Variants in RAP1B observed in about 807,000 individuals in gnomAD.
RAP1B encodes RAP1B, member of RAS oncogene family.
In RAP1B, 1 loss-of-function variant was observed where a neutral mutation model predicts 27.5. The observed-to-expected ratio is 0.04, with a 90% CI of 0.01 to 0.17. The LOEUF is 0.17. RAP1B is among the 10% of genes least tolerant of loss of function. The probability of loss-of-function intolerance (pLI) is 1.00; values close to 1 mark genes in which losing one functional copy is unlikely to be tolerated. For missense variants in RAP1B, 84 were observed against 214.8 expected (o/e 0.39, Z 3.81); for synonymous variants, 75 against 73.1 (o/e 1.03, Z -0.13).
chr12:68,671,678 A>T lies in RAP1B; in HGVS notation c.*12429A>T, dbSNP rs1487208800. 1 of 152,218 alleles carries T rather than the reference A, an allele frequency of 6.6e-6. No homozygotes were observed. Among genetic ancestry groups the T allele is most frequent in the Non-Finnish European group, 1.5e-5 (1 of 68,046 alleles). The allele number at this position is 152,218 out of a possible 1,614,324, so 9.4% of individuals were successfully genotyped here. A position where few individuals can be genotyped will look rare whatever the true frequency, so the allele number is the denominator to read the frequency against. On this transcript the variant is annotated 3_prime_UTR_variant, in exon 8 of 8. Coordinates refer to ENST00000250559, the MANE Select transcript of RAP1B (RefSeq NM_001010942.3). ...GGTGATATAGGAGTAGGGGTGAGGA[A>T]GTGAAGGATCTGAGTAGGTGGAAAA... is the stretch of plus-strand genomic sequence containing the variant.
intron 1 of RAP1B, among the ~76,000 whole-genome samples, chr12:68,615,215 A>AT (rs1008946410): frequency 3.9e-5 from 6 of 152,200 alleles, no homozygotes; most frequent in Admixed American, 6.5e-5. Flanking sequence ...ATTTAGAAAG[A>AT]TTTTTTTTCC....
Position 68,645,733 on chromosome 12 carries a change from G to A in RAP1B, c.-26-2966G>A, listed in dbSNP as rs893764910. Reference sequence around the variant, plus strand: ...TGCCAGTCAGTCAGAGTTGGCATTCGCAATAAAAATCTGTTTTTCAGTCTT... The same window carrying A: ...TGCCAGTCAGTCAGAGTTGGCATTCACAATAAAAATCTGTTTTTCAGTCTT... On this transcript the variant is annotated intron_variant, in intron 1 of 7. Transcript: ENST00000250559. 2.6e-5 allele frequency among the ~76,000 whole-genome samples: 4 copies of A among 152,202 alleles called. No individual in the cohort carries two copies. In the East Asian group the frequency reaches 5.8e-4, roughly 22 times the overall value.
At chr12:68,620,032 T>C (rs7304304) in intron 1 of RAP1B, among the ~76,000 whole-genome samples, 9,410 of 152,100 alleles carry the variant, frequency 0.062, 726 homozygotes, top group African/African-American at 0.19. Context: ...TGATAACTTT[T>C]CCATAGTAAA....
At chr12:68,632,160 T>C (rs79610194) in intron 1 of RAP1B, among the ~76,000 whole-genome samples, 15,834 of 143,868 alleles carry the variant, frequency 0.11, 1,248 homozygotes, top group East Asian at 0.2. Context: ...GTTTTTTTTT[T>C]CCAGACTGTT....
chr12:68,637,426 C>T (rs747073420), intron 1 of RAP1B, among the ~76,000 whole-genome samples: 2 of 151,708 alleles, frequency 1.3e-5, no homozygotes, highest in Non-Finnish European at 2.9e-5. Flanking sequence ...GGTGAAACCC[C>T]ACCTCTACTA....
intron 1 of RAP1B, among the ~76,000 whole-genome samples, chr12:68,620,513 T>C (rs996430620): frequency 2.0e-5 from 3 of 152,128 alleles, no homozygotes; most frequent in South Asian, 2.1e-4. Flanking sequence ...TCTGTGGCCT[T>C]CTTTTTTATG....
intron 1 of RAP1B, among the ~76,000 whole-genome samples, chr12:68,636,961 ACTT>A (rs1872671304): frequency 6.6e-6 from 1 of 151,284 alleles, no homozygotes; most frequent in Admixed American, 6.6e-5. Context: ...GCCTGTCCCT[ACTT>A]TTTTTAATGC....
chr12:68,629,943 T>C (rs1872113779), intron 1 of RAP1B, among the ~76,000 whole-genome samples: 2 of 152,240 alleles, frequency 1.3e-5, no homozygotes. Context: ...CAGTGCTAGA[T>C]GTTTAAAATA....
At position 68,657,165 on chromosome 12, in the gene RAP1B, A is replaced by G. The variant is rs1014128597; in HGVS notation, c.533A>G (p.Lys178Arg). ...KTPVPGKARK[K>R]SSCQLL The stretch of plus-strand genomic sequence containing the variant: ...CCAGTGCCTGGGAAGGCTCGCAAAA[A>G]GTCATCATGTCAGCTGCTTTAATAT... Residue 178 changes from lysine to arginine, a missense_variant, in exon 7 of 8, where the codon AAG becomes AGG. Coordinates refer to ENST00000250559, the MANE Select transcript of RAP1B (RefSeq NM_001010942.3). 9 of 1,612,344 alleles carry G rather than the reference A, an allele frequency of 5.6e-6. No individual in the cohort carries two copies. The African/African-American group carries it at 9.3e-5, about 17-fold the overall frequency.
At chr12:68,652,858 A>G (rs80010939) in intron 4 of RAP1B, among the ~76,000 whole-genome samples, 1,799 of 152,342 alleles carry the variant, frequency 0.012, 33 homozygotes, top group African/African-American at 0.041. Flanking sequence ...TTAAAACAAT[A>G]TATTACCATA....
rs1875013812 is a variant in RAP1B at position 68,669,931 on chromosome 12, CTTTCTTTTT to C, written c.*10686_*10694del. 1.0e-5 allele frequency: 1 copy of C among 95,358 alleles called. No individual in the cohort carries two copies. The allele number at this position is 95,358 out of a possible 1,614,324, so 5.9% of individuals were successfully genotyped here. ...ACGTGACAAAAATATATTTCTTTTT[CTTTCTTTTT>C]TTTTTTTTTTTTTTTGAGACAGTTT... On this transcript the variant is annotated 3_prime_UTR_variant, in exon 8 of 8. Coordinates refer to ENST00000250559, the MANE Select transcript of RAP1B (RefSeq NM_001010942.3).
intron 1 of RAP1B, chr12:68,642,550 A>T: frequency 9.6e-7 from 1 of 1,045,838 alleles, no homozygotes; most frequent in South Asian, 1.3e-5. Context: ...GCCAATAAGG[A>T]TACTTTTTCT....
chr12:68,664,534 C>G lies in RAP1B; in HGVS notation c.*5285C>G, dbSNP rs1046833316. On this transcript the variant is annotated 3_prime_UTR_variant, in exon 8 of 8. Transcript: ENST00000250559. Reference sequence around the variant, plus strand: ...ACAAGCCTGGCCAACATGGTGAAACCCCGTCTCTACTAAAAATAACAAAAA... The same window carrying G: ...ACAAGCCTGGCCAACATGGTGAAACGCCGTCTCTACTAAAAATAACAAAAA... 1 of 152,114 alleles carries G rather than the reference C, an allele frequency of 6.6e-6. No individual in the cohort carries two copies. Among genetic ancestry groups the G allele is most frequent in the Non-Finnish European group, 1.5e-5 (1 of 68,076 alleles). The allele number at this position is 152,114 out of a possible 1,614,324, so 9.4% of individuals were successfully genotyped here. A position where few individuals can be genotyped will look rare whatever the true frequency, so the allele number is the denominator to read the frequency against.
chr12:68,627,290 C>T, intron 1 of RAP1B: 1 of 853,634 alleles, frequency 1.2e-6, no homozygotes, highest in Non-Finnish European at 2.0e-6. Context: ...AGGCTGCATA[C>T]ACTACCAAGG....
chr12:68,654,441 G>A (rs1030731002), intron 5 of RAP1B, among the ~76,000 whole-genome samples, 189 bp downstream of exon 5: 1 of 150,990 alleles, frequency 6.6e-6, no homozygotes, highest in African/African-American at 2.4e-5. Context: ...TGGAAAGTGA[G>A]AAATTTCCTC....
chr12:68,650,479 CT>C lies in RAP1B; in HGVS notation c.126+14del. On this transcript the variant is annotated intron_variant, in intron 3 of 7. Coordinates refer to ENST00000250559, the MANE Select transcript of RAP1B (RefSeq NM_001010942.3). ...GATTCTTATAGAAAGGTATATATTACTTTGGAAGGCCTTTTGCTTTTGATTT... is the reference window on the plus strand; with the variant it reads ...GATTCTTATAGAAAGGTATATATTACTTGGAAGGCCTTTTGCTTTTGATTT... 1 of 1,480,604 alleles carries C rather than the reference CT, an allele frequency of 6.8e-7. No individual in the cohort carries two copies. Among genetic ancestry groups the C allele is most frequent in the African/African-American group, 1.5e-5 (1 of 68,896 alleles). The allele number at this position is 1,480,604 out of a possible 1,614,324, so 91.7% of individuals were successfully genotyped here. A position where few individuals can be genotyped will look rare whatever the true frequency, so the allele number is the denominator to read the frequency against.
chr12:68,647,140 C>T (rs760422302), intron 1 of RAP1B, among the ~76,000 whole-genome samples: 38 of 152,158 alleles, frequency 2.5e-4, no homozygotes, highest in Non-Finnish European at 4.7e-4. Flanking sequence ...GCAACCTCCA[C>T]CTCCCAGGTT....
In RAP1B at chr12:68,662,210, A is replaced by G. The variant is rs1321616456; in HGVS notation, c.*2961A>G. 4 of 151,662 alleles carry G rather than the reference A, an allele frequency of 2.6e-5. No individual in the cohort carries two copies. Among genetic ancestry groups the G allele is most frequent in the Non-Finnish European group, 4.4e-5 (3 of 67,892 alleles). The allele number at this position is 151,662 out of a possible 1,614,324, so 9.4% of individuals were successfully genotyped here. ...TAACTGCAGTTTGGGAGCACAACTCATGTAGATTGACTTTTCTGGTGCTTA... is the reference window on the plus strand; with the variant it reads ...TAACTGCAGTTTGGGAGCACAACTCGTGTAGATTGACTTTTCTGGTGCTTA... On this transcript the variant is annotated 3_prime_UTR_variant, in exon 8 of 8. Coordinates refer to ENST00000250559, the MANE Select transcript of RAP1B (RefSeq NM_001010942.3).
intron 4 of RAP1B, among the ~76,000 whole-genome samples, chr12:68,652,874 A>G (rs866451170): frequency 2.0e-5 from 3 of 152,302 alleles, no homozygotes; most frequent in African/African-American, 4.8e-5. Context: ...CCATATTTCA[A>G]ATAATACAGG....
Sources: gnomAD v4.1 joint callset for allele counts (sites outside exome capture counted in the v4.1 genomes callset) on GRCh38, gnomAD v4.1.1 for gene constraint, MANE v1.5 for transcripts, NCBI Gene and HGNC (gene_info 2026-07-23, HGNC 2026-07-21) for gene names.